RNF126: variants seen among roughly 807,000 people sequenced by gnomAD.
RNF126 encodes the protein E3 ubiquitin-protein ligase RNF126.
RNF126 carries 20 observed loss-of-function variants against 41.9 expected under a neutral mutation model. The observed-to-expected ratio is 0.48, with a 90% CI of 0.34 to 0.69. RNF126 has a LOEUF of 0.69. Ranked by LOEUF, RNF126 falls within the 30% of genes least tolerant of loss-of-function variation. RNF126 has a pLI of 0.01. For missense variants in RNF126, 433 were observed against 460.6 expected (o/e 0.94, Z 0.55); for synonymous variants, 239 against 202.9 (o/e 1.18, Z -1.51).
In RNF126 at chr19:651,745, G is replaced by T. The variant is rs767586943; in HGVS notation, c.309C>A (p.Asp103Glu). 6.2e-7 allele frequency: 1 copy of T among 1,612,420 alleles called. No homozygotes were observed. Among genetic ancestry groups the T allele is most frequent in the African/African-American group, 1.3e-5 (1 of 75,024 alleles). ...IPTFPPGAQA[D>E]DGRDPESRRE... Reference sequence around the variant, plus strand: ...GCCGGCTCTCAGGGTCCCTGCCGTCGTCAGCCTGCGCCCCAGGAGGGAACG... The same window carrying T: ...GCCGGCTCTCAGGGTCCCTGCCGTCTTCAGCCTGCGCCCCAGGAGGGAACG... The change falls in exon 4 of 9, where the codon GAC (aspartate) becomes GAA (glutamate). Residue 103 changes from aspartate (D) to glutamate (E), a missense_variant. By Grantham distance (45) the Asp-to-Glu change is conservative. This residue lies in a region of RNF126 where 247 missense variants were observed against 224.7 expected (regional missense o/e 1.10). Transcript: ENST00000292363.
At chr19:660,821 G>A (rs2144778382) in intron 1 of RNF126, among the ~76,000 whole-genome samples, 2 of 152,280 alleles carry the variant, frequency 1.3e-5, no homozygotes, top group South Asian at 4.1e-4. Flanking sequence ...CTTCTGTAGA[G>A]ACAGGGTCCT....
At chr19:654,264 A>G (rs111907568) in intron 1 of RNF126, among the ~76,000 whole-genome samples, 236 of 152,308 alleles carry the variant, frequency 1.5e-3, no homozygotes, top group African/African-American at 5.5e-3. Flanking sequence ...CACCATCTAC[A>G]ATATAGAAAA....
intron 2 of RNF126, 103 bp from the exon 3 acceptor site, chr19:652,399 T>C: frequency 9.6e-7 from 1 of 1,042,868 alleles, no homozygotes; most frequent in Non-Finnish European, 1.4e-6. Flanking sequence ...GGAATTGTCC[T>C]TGGCACTGCT....
intron 8 of RNF126, 27 bp downstream of exon 8, chr19:648,344 TG>T (rs566322132): frequency 0.27 from 76,975 of 289,100 alleles, 2,209 homozygotes; most frequent in Non-Finnish European, 0.3. Context: ...GCGGTCGGGG[TG>T]GGGGGGCGGG....
At chr19:652,394 T>C (rs895378621) in intron 2 of RNF126, 98 bp from the exon 3 acceptor site, 24 of 1,114,834 alleles carry the variant, frequency 2.2e-5, no homozygotes, top group Non-Finnish European at 2.9e-5. Context: ...GAGCAGGAAT[T>C]GTCCTTGGCA....
chr19:663,007 G>C, intron 1 of RNF126, 40 bp downstream of exon 1: 2 of 1,184,096 alleles, frequency 1.7e-6, no homozygotes, highest in Non-Finnish European at 2.2e-6. Context: ...CAGGCCTGCG[G>C]CGCAGACCCT....
intron 1 of RNF126, among the ~76,000 whole-genome samples, chr19:657,792 A>G (rs1387709125): frequency 1.3e-5 from 2 of 152,214 alleles, no homozygotes; most frequent in Non-Finnish European, 2.9e-5. Context: ...GGCTCTGGTC[A>G]CGAAGGCAAG....
intron 2 of RNF126, 129 bp downstream of exon 2, chr19:652,697 C>T: frequency 6.1e-6 from 5 of 818,098 alleles, no homozygotes; most frequent in Admixed American, 2.3e-5. Context: ...GAAAAGTGCT[C>T]CCGGAGCCAC....
At chr19:653,467 G>A (rs576009579) in intron 1 of RNF126, among the ~76,000 whole-genome samples, 232 of 152,334 alleles carry the variant, frequency 1.5e-3, no homozygotes, top group Middle Eastern at 3.4e-3. Context: ...CCAAAACCAC[G>A]TTCACAGTTC....
intron 6 of RNF126, 38 bp from the exon 7 acceptor site, chr19:649,013 G>T: frequency 9.1e-7 from 1 of 1,100,892 alleles, no homozygotes. Context: ...GAGCTCCTCG[G>T]GGGCCCGGCC....
At chr19:662,304 T>C (rs1426676819) in intron 1 of RNF126, among the ~76,000 whole-genome samples, 1 of 152,150 alleles carries the variant, frequency 6.6e-6, no homozygotes, top group East Asian at 1.9e-4. Flanking sequence ...AACACTGCCC[T>C]AAACGAGCAG....
At position 649,029 on chromosome 19, in the gene RNF126, C is replaced by T. The variant is rs951929594; in HGVS notation, c.577-54G>A. On this transcript the variant is annotated intron_variant, in intron 6 of 8. Transcript: ENST00000292363. ...AGCTCCTCGGGGGCCCGGCCCGGGG[C>T]TCTGAAACGCGAGGCTGCAGGACCT... 6.7e-6 allele frequency: 6 copies of T among 896,790 alleles called. No individual in the cohort carries two copies. In the African/African-American group the frequency reaches 1.0e-4, roughly 16 times the overall value. 55.6% of individuals were successfully genotyped at this position (896,790 alleles called of 1,614,324 possible). A position where few individuals can be genotyped will look rare whatever the true frequency, so the allele number is the denominator to read the frequency against.
Position 652,827 on chromosome 19 carries a change from T to G in RNF126, c.133A>C (p.Arg45=). 6.2e-7 allele frequency: 1 copy of G among 1,612,890 alleles called. No individual in the cohort carries two copies. The highest frequency in any genetic ancestry group is 8.5e-7 in the Non-Finnish European group (1 of 1,179,556). The change falls in exon 2 of 9, where the codon AGG becomes CGG. Residue 45 remains arginine, a splice_region_variant and synonymous_variant. Transcript: ENST00000292363. The part of the protein sequence containing the change: ...GFIEELPEET[R]STENGSAPST... The stretch of plus-strand genomic sequence containing the variant: ...CTCTTCAACAGGGGGCTGCATTACC[T>G]GGTCTCTTCCGGAAGCTCCTCGATA...
rs2030703393 is a variant in RNF126 at position 659,474 on chromosome 19, C to G, written c.75+3573G>C. On this transcript the variant is annotated intron_variant, in intron 1 of 8. Transcript: ENST00000292363. The surrounding 1 kb of genome is among the most constrained non-coding windows in gnomAD (Gnocchi z 4.9). The stretch of plus-strand genomic sequence containing the variant: ...GGGGGTGGGGGGTCGGCAGGCAGAG[C>G]TGGAACCACCCTAGGAACCACCCAG... Among the ~76,000 whole-genome samples the G allele has an allele frequency of 3.9e-5, 6 of 152,266 alleles. No homozygotes were observed. The South Asian group carries it at 1.2e-3, about 32-fold the overall frequency.
At chr19:652,205 C>CA (rs1439984002) in intron 3 of RNF126, 28 bp downstream of exon 3, 2 of 1,504,344 alleles carry the variant, frequency 1.3e-6, no homozygotes, top group African/African-American at 1.4e-5. Flanking sequence ...CTGACACGAT[C>CA]GGGAAGCACG....
chr19:658,448 C>T (rs1431204681), intron 1 of RNF126, among the ~76,000 whole-genome samples: 1 of 152,090 alleles, frequency 6.6e-6, no homozygotes. Flanking sequence ...ATCAGGAGAC[C>T]CCAGGGAGAG....
intron 6 of RNF126, 37 bp from the exon 7 acceptor site, chr19:649,012 G>C: frequency 1.8e-6 from 2 of 1,114,322 alleles, no homozygotes; most frequent in Non-Finnish European, 2.4e-6. Context: ...GGAGCTCCTC[G>C]GGGGCCCGGC....
intron 1 of RNF126, among the ~76,000 whole-genome samples, chr19:654,234 G>A (rs534158046): frequency 7.3e-4 from 111 of 152,344 alleles, no homozygotes; most frequent in African/African-American, 2.6e-3. Flanking sequence ...TGAACCCACC[G>A]TGAGGGGAGA....
rs1339679402 is a variant in RNF126 at position 651,873 on chromosome 19, G to A, written c.199-18C>T. 1.3e-6 allele frequency: 2 copies of A among 1,597,514 alleles called. No homozygotes were observed. The highest frequency in any genetic ancestry group is 1.7e-6 in the Non-Finnish European group (2 of 1,172,916). ...TCCACGTGCTGGGGAGAGGAGGGGG[G>A]CGTGACCTCGGGGGCTCAGGCCCGT... On this transcript the variant is annotated intron_variant, in intron 3 of 8. Coordinates refer to ENST00000292363, the MANE Select transcript of RNF126 (RefSeq NM_194460.3).
Sources: allele counts gnomAD v4.1 joint callset (sites outside exome capture counted in the v4.1 genomes callset), GRCh38; gene constraint gnomAD v4.1.1; regional missense constraint gnomAD v4.1.1; non-coding constraint Gnocchi (gnomAD v3.1); transcripts MANE v1.5; gene names NCBI Gene and HGNC (gene_info 2026-07-23, HGNC 2026-07-21).